MPP4: variants seen among roughly 807,000 people sequenced by gnomAD.
The protein encoded by MPP4 is MAGUK p55 scaffold protein 4.
MPP4 carries 91 observed loss-of-function variants against 98.3 expected under a neutral mutation model. The observed-to-expected ratio is 0.93, with a 90% CI of 0.78 to 1.10. The LOEUF (loss-of-function observed/expected upper bound fraction) is 1.10. Ranked by LOEUF, MPP4 falls within the 50% of genes least tolerant of loss-of-function variation. The pLI, the probability that MPP4 is intolerant of heterozygous loss-of-function variation, is 0.00. For missense variants in MPP4, 744 were observed against 792.9 expected (o/e 0.94, Z 0.74); for synonymous variants, 261 against 271.8 (o/e 0.96, Z 0.39).
chr2:201,687,368 C>T lies in MPP4; in HGVS notation c.283G>A (p.Val95Met). ...GTAGGGGTTTCACGTAATAACTCCA[C>T]TACCTGGTTCATGGAAAAGGATACA... is the stretch of plus-strand genomic sequence containing the variant. ...PHAQVLSYEV[V>M]ELLRETPTSP... The change falls in exon 5 of 22, where the codon GTG becomes ATG. Residue 95 changes from valine (V) to methionine (M), a missense_variant. Val to Met is a conservative substitution (Grantham distance 21). Transcript: ENST00000409474. 1 of 1,573,030 alleles carries T rather than the reference C, an allele frequency of 6.4e-7. No individual in the cohort carries two copies. Among genetic ancestry groups the T allele is most frequent in the Non-Finnish European group, 8.6e-7 (1 of 1,157,294 alleles).
At chr2:201,683,060 G>T (rs1688708383) in intron 7 of MPP4, 144 bp from the exon 8 acceptor site, 7 of 565,398 alleles carry the variant, frequency 1.2e-5, no homozygotes, top group South Asian at 8.1e-5. Flanking sequence ...AAAGAAAGCT[G>T]GTTATTCCAA....
At position 201,647,708 on chromosome 2, in the gene MPP4, C is replaced by T. The variant is rs2105909318; in HGVS notation, c.1702G>A (p.Val568Met). 6.2e-7 allele frequency: 1 copy of T among 1,613,764 alleles called. No homozygotes were observed. Among genetic ancestry groups the T allele is most frequent in the East Asian group, 2.2e-5 (1 of 44,868 alleles). The change falls in exon 21 of 22, where the codon GTG becomes ATG. Residue 568 changes from valine to methionine, a missense_variant. Coordinates refer to ENST00000409474, the MANE Select transcript of MPP4 (RefSeq NM_033066.3). ...KNAKVITDYY[V>M]DMKFKDEDLQ... ...GCTCTTACCTTGAACTTCATGTCCA[C>T]ATAGTAGTCAGTAATAACCTTGGCA...
At chr2:201,684,745 T>G (rs997319086) in intron 7 of MPP4, among the ~76,000 whole-genome samples, 1 of 151,880 alleles carries the variant, frequency 6.6e-6, no homozygotes, top group African/African-American at 2.4e-5. Context: ...GGTCGGGAGA[T>G]TGAGACCATC....
chr2:201,677,113 C>T (rs1688526333), intron 10 of MPP4, among the ~76,000 whole-genome samples: 2 of 152,080 alleles, frequency 1.3e-5, no homozygotes, highest in African/African-American at 4.8e-5. Flanking sequence ...CTTGGTTACT[C>T]CATGGTTAAT....
chr2:201,694,162 C>T (rs928010968), intron 1 of MPP4, 108 bp from the exon 2 acceptor site: 1 of 1,061,768 alleles, frequency 9.4e-7, no homozygotes. Flanking sequence ...CTACTCTTAA[C>T]CATCACCAGT....
At chr2:201,689,163 A>C (rs771643745) in intron 4 of MPP4, among the ~76,000 whole-genome samples, 3 of 152,026 alleles carry the variant, frequency 2.0e-5, no homozygotes, top group Non-Finnish European at 4.4e-5. Flanking sequence ...CCCCGTCTCT[A>C]CCCAAAATAC....
At chr2:201,694,181 A>G (rs1203728235) in intron 1 of MPP4, 127 bp from the exon 2 acceptor site, 2 of 856,582 alleles carry the variant, frequency 2.3e-6, no homozygotes, top group African/African-American at 3.4e-5. Context: ...GTGGCGTGAA[A>G]GAGAAAACGA....
rs1378544583 is a variant in MPP4 at position 201,656,369 on chromosome 2, C to A, written c.1130-1G>T. On this transcript the variant is annotated splice_acceptor_variant, in intron 16 of 21. Transcript: ENST00000409474. LOFTEE classifies it high-confidence loss of function. ...AGGCGCATGCTGCGGCGGAAGCCAG[C>A]TAGGGAGGGGAAGTGCACAGAACGT... The A allele has an allele frequency of 4.5e-6, 7 of 1,548,658 alleles. No individual in the cohort carries two copies. The highest frequency in any genetic ancestry group is 6.1e-6 in the Non-Finnish European group (7 of 1,145,324).
chr2:201,645,455 G>A, intron 21 of MPP4, 51 bp from the exon 22 acceptor site: 3 of 1,447,730 alleles, frequency 2.1e-6, no homozygotes, highest in Admixed American at 4.1e-5. Flanking sequence ...TTGGACAAAT[G>A]GAAAAAATAC....
chr2:201,681,115 A>C, intron 9 of MPP4, 81 bp from the exon 10 acceptor site: 1 of 1,398,772 alleles, frequency 7.1e-7, no homozygotes, highest in Non-Finnish European at 9.8e-7. Context: ...GGCCATCATG[A>C]CTTAAAACCA....
rs139721357 is a variant in MPP4, at chr2:201,651,110, C to G, written c.1382-945G>C. ...CCTTAATCTATATTACCATTAGTTC[C>G]CCTTATTCATACAGAATTTGTGTAT... On this transcript the variant is annotated intron_variant, in intron 18 of 21. Coordinates refer to ENST00000409474, the MANE Select transcript of MPP4 (RefSeq NM_033066.3). 184 of 985,306 alleles carry G rather than the reference C, an allele frequency of 1.9e-4. 1 individual carries two copies. In the East Asian group the frequency reaches 0.015, roughly 81 times the overall value. 61.0% of individuals were successfully genotyped at this position (985,306 alleles called of 1,614,324 possible). A position where few individuals can be genotyped will look rare whatever the true frequency, so the allele number is the denominator to read the frequency against.
chr2:201,654,957 G>A (rs1278423729), intron 17 of MPP4, 40 bp from the exon 18 acceptor site: 23 of 1,302,188 alleles, frequency 1.8e-5, no homozygotes, highest in Non-Finnish European at 2.4e-5. Flanking sequence ...ATCAGATGTG[G>A]ATAAATATAA....
At chr2:201,684,796 A>G (rs1688769837) in intron 7 of MPP4, among the ~76,000 whole-genome samples, 1 of 151,782 alleles carries the variant, frequency 6.6e-6, no homozygotes, top group African/African-American at 2.4e-5. Context: ...TAAAAATACA[A>G]AAAATTAGCC....
chr2:201,681,424 T>C (rs1254881128), intron 9 of MPP4, 72 bp downstream of exon 9: 15 of 1,211,764 alleles, frequency 1.2e-5, no homozygotes, highest in Non-Finnish European at 1.6e-5. Flanking sequence ...ATAGGATTAT[T>C]ACGCATCATA....
chr2:201,650,930 C>A, intron 18 of MPP4: 1 of 985,352 alleles, frequency 1.0e-6, no homozygotes, highest in Admixed American at 6.1e-5. Context: ...AGGAGTTCAT[C>A]AAATATCTAA....
chr2:201,680,128 C>G (rs970765579), intron 10 of MPP4: 6 of 152,196 alleles, frequency 3.9e-5, no homozygotes, highest in African/African-American at 1.4e-4. Flanking sequence ...TGCACGCCCT[C>G]CCTTGGTAGC....
At position 201,681,586 on chromosome 2, in the gene MPP4, G is replaced by C; in HGVS notation, c.661-19C>G. ...ACATGGCCTGGAAAATAAGAGAGGA[G>C]AAAGGATGACAATCATGGAGCTAGC... On this transcript the variant is annotated intron_variant, in intron 8 of 21. Transcript: ENST00000409474. 4 of 1,605,344 alleles carry C rather than the reference G, an allele frequency of 2.5e-6. No homozygotes were observed. The highest frequency in any genetic ancestry group is 3.4e-6 in the Non-Finnish European group (4 of 1,172,700).
chr2:201,672,076 C>T (rs1228412012), intron 11 of MPP4, among the ~76,000 whole-genome samples: 3 of 152,134 alleles, frequency 2.0e-5, no homozygotes, highest in Non-Finnish European at 4.4e-5. Context: ...CAAATTAGAA[C>T]TCAGGATTAA....
chr2:201,679,408 C>T (rs916726462), intron 10 of MPP4, among the ~76,000 whole-genome samples: 1 of 152,152 alleles, frequency 6.6e-6, no homozygotes, highest in Non-Finnish European at 1.5e-5. Context: ...AAGCTTTCTA[C>T]TCTCTCCTTC....
Sources: gnomAD v4.1 joint callset for allele counts (sites outside exome capture counted in the v4.1 genomes callset) on GRCh38, gnomAD v4.1.1 for gene constraint, MANE v1.5 for transcripts, NCBI Gene and HGNC (gene_info 2026-07-23, HGNC 2026-07-21) for gene names.